Variants in DNAH17 observed in about 807,000 individuals in gnomAD.
DNAH17 encodes the protein axonemal beta dynein heavy chain 17.
A neutral mutation model predicts 485.6 loss-of-function variants in DNAH17; 376 were observed. The ratio of observed to expected loss-of-function variants is 0.77; its 90% confidence interval spans 0.71 to 0.84. The LOEUF (loss-of-function observed/expected upper bound fraction) is 0.84. Among genes scored for constraint, DNAH17 ranks in the 40% least tolerant of loss-of-function variants. DNAH17 has a pLI of 0.00. For synonymous variants in DNAH17, 3,031 were observed against 2,405.9 expected (o/e 1.26, Z -7.60); for missense variants, 6,370 against 5,839.3 (o/e 1.09, Z -2.96).
chr17:78,536,166 A>G lies in DNAH17; in HGVS notation c.2859+1133T>C, dbSNP rs181463018. ...TTACATTACAGGACTGAGGCCGGGC[A>G]CGGTGGCTCACACCTGTAATCCCAG... On this transcript the variant is annotated intron_variant, in intron 19 of 80. Coordinates refer to ENST00000389840, the MANE Select transcript of DNAH17 (RefSeq NM_173628.4). 1.3e-3 allele frequency among the ~76,000 whole-genome samples: 204 copies of G among 152,214 alleles called. 1 individual carries two copies. The highest frequency in any genetic ancestry group is 3.8e-3 in the African/African-American group (156 of 41,534).
chr17:78,524,061 C>A (rs1478790367), intron 25 of DNAH17, among the ~76,000 whole-genome samples: 1 of 152,176 alleles, frequency 6.6e-6, no homozygotes, highest in African/African-American at 2.4e-5. Flanking sequence ...ATCCTTACCT[C>A]GTATTAGGAG....
Position 78,499,073 on chromosome 17 carries a change from C to T in DNAH17, c.5680G>A (p.Ala1894Thr). Residue 1894 changes from alanine to threonine, a missense_variant, in exon 37 of 81, where the codon GCC (alanine) becomes ACC (threonine). Ala to Thr is a moderately conservative substitution (Grantham distance 58). Coordinates refer to ENST00000389840, the MANE Select transcript of DNAH17 (RefSeq NM_173628.4). ...TTAAACTCGTCAAAGCAGCCCCAGG[C>T]TCCCGTCTGGGCCAGGCCCTTGTAG... ...NIYKGLAQTG[A>T]WGCFDEFNRI... The T allele has an allele frequency of 1.2e-6, 2 of 1,609,202 alleles. No individual in the cohort carries two copies. Among genetic ancestry groups the T allele is most frequent in the Non-Finnish European group, 1.7e-6 (2 of 1,177,770 alleles).
At chr17:78,521,987 A>G (rs2090946286) in intron 25 of DNAH17, among the ~76,000 whole-genome samples, 1 of 152,220 alleles carries the variant, frequency 6.6e-6, no homozygotes, top group African/African-American at 2.4e-5. Context: ...CTCCGCCTCA[A>G]AACCAAAATT....
At chr17:78,575,146 C>T (rs2092415624) in intron 1 of DNAH17, 64 bp from the exon 2 acceptor site, 4 of 1,052,224 alleles carry the variant, frequency 3.8e-6, no homozygotes, top group South Asian at 3.3e-5. Context: ...CCACCCATCC[C>T]TGGCACCGCA....
At chr17:78,457,171 G>C (rs2087843923) in intron 62 of DNAH17, among the ~76,000 whole-genome samples, 1 of 152,184 alleles carries the variant, frequency 6.6e-6, no homozygotes, top group Non-Finnish European at 1.5e-5. Flanking sequence ...AGGAGTTCGA[G>C]ACCACCCCGG....
intron 19 of DNAH17, among the ~76,000 whole-genome samples, chr17:78,536,343 A>G (rs1373448375): frequency 3.9e-5 from 6 of 152,120 alleles, no homozygotes; most frequent in African/African-American, 1.4e-4. Context: ...CCAGCTACTC[A>G]GGAGGCTGAG....
chr17:78,547,184 C>T (rs1202432839), intron 16 of DNAH17, among the ~76,000 whole-genome samples: 1 of 152,174 alleles, frequency 6.6e-6, no homozygotes, highest in Non-Finnish European at 1.5e-5. Flanking sequence ...AATGTTAATG[C>T]TCTCCTTGGT....
intron 51 of DNAH17, among the ~76,000 whole-genome samples, chr17:78,478,244 T>TCTC (rs2089172078): frequency 7.7e-6 from 1 of 130,298 alleles, no homozygotes; most frequent in Non-Finnish European, 1.6e-5. Context: ...ACCACCATCA[T>TCTC]CACCACCATC....
rs1365764131 is a variant in DNAH17 at position 78,540,415 on chromosome 17, G to A, written c.2533-535C>T. On this transcript the variant is annotated intron_variant, in intron 17 of 80. Coordinates refer to ENST00000389840, the MANE Select transcript of DNAH17 (RefSeq NM_173628.4). ...ATGGATGGATGGGGTTGGTAGATGGGTGAGTGGGTGGATGGATGGATGGAT... is the reference window on the plus strand; with the variant it reads ...ATGGATGGATGGGGTTGGTAGATGGATGAGTGGGTGGATGGATGGATGGAT... 1.2e-4 allele frequency among the ~76,000 whole-genome samples: 11 copies of A among 89,372 alleles called. 2 individuals are homozygous for A. The highest frequency in any genetic ancestry group is 1.1e-3 in the Admixed American group (9 of 8,488). 58.6% of individuals were successfully genotyped at this position (89,372 alleles called of 152,430 possible).
At chr17:78,556,791 T>C (rs1274482272) in intron 14 of DNAH17, among the ~76,000 whole-genome samples, 1 of 152,200 alleles carries the variant, frequency 6.6e-6, no homozygotes, top group Non-Finnish European at 1.5e-5. Flanking sequence ...AATAGTGCTA[T>C]ATCCATGCGA....
At chr17:78,441,787 G>A (rs946353404) in intron 71 of DNAH17, among the ~76,000 whole-genome samples, 8 of 152,138 alleles carry the variant, frequency 5.3e-5, no homozygotes, top group Non-Finnish European at 8.8e-5. Flanking sequence ...AATCACCTGA[G>A]CTAAGATTAG....
At chr17:78,482,742 A>T (rs548715359) in intron 48 of DNAH17, among the ~76,000 whole-genome samples, 1 of 152,268 alleles carries the variant, frequency 6.6e-6, no homozygotes, top group South Asian at 2.1e-4. Context: ...CACATCCACT[A>T]AACAGTCCAT....
At chr17:78,562,188 A>AT (rs2092172064) in intron 11 of DNAH17, among the ~76,000 whole-genome samples, 2 of 152,192 alleles carry the variant, frequency 1.3e-5, no homozygotes, top group Non-Finnish European at 2.9e-5. Context: ...CCGAGTCCCC[A>AT]AATACTTGGC....
rs1375080024 is a variant in DNAH17 at position 78,566,561 on chromosome 17, C to T, written c.1569+53G>A. The T allele has an allele frequency of 4.6e-6, 6 of 1,298,036 alleles. No individual in the cohort carries two copies. In the East Asian group the frequency reaches 9.8e-5, roughly 21 times the overall value. The allele number at this position is 1,298,036 out of a possible 1,614,324, so 80.4% of individuals were successfully genotyped here. A position where few individuals can be genotyped will look rare whatever the true frequency, so the allele number is the denominator to read the frequency against. On this transcript the variant is annotated intron_variant, in intron 11 of 80. Transcript: ENST00000389840. ...TCCAAGATCGTTCTCGACATGAATC[C>T]ACCACCACAGTGCCAGGCTCCAGAT...
chr17:78,462,142 A>G (rs569764300), intron 57 of DNAH17, among the ~76,000 whole-genome samples: 139 of 152,182 alleles, frequency 9.1e-4, no homozygotes, highest in African/African-American at 3.2e-3. Flanking sequence ...ACTGCATCCC[A>G]GCTTGGATGA....
In DNAH17 at chr17:78,437,827, C is replaced by T. The variant is rs373331236; in HGVS notation, c.11847G>A (p.Lys3949=). The T allele has an allele frequency of 4.8e-4, 767 of 1,611,834 alleles. 1 individual carries two copies. Among genetic ancestry groups the T allele is most frequent in the Non-Finnish European group, 6.1e-4 (722 of 1,179,422 alleles). ...LVARWLGTLD[K]KLEHYSTGSH... ...TGCCCGTGCTGTAGTGCTCCAGCTT[C>T]TTGTCCAGTGTTCCCAGCCACCGGG... The change falls in exon 74 of 81, where the codon AAG becomes AAA. Residue 3949 remains lysine, a synonymous_variant. Transcript: ENST00000389840.
chr17:78,569,828 T>A (rs12940406), intron 7 of DNAH17, among the ~76,000 whole-genome samples: 59,115 of 152,054 alleles, frequency 0.39, 11,700 homozygotes, highest in Admixed American at 0.49. Context: ...CATGGTTTTA[T>A]TATATAGAGG....
At position 78,529,525 on chromosome 17, in the gene DNAH17, G is replaced by A. The variant is rs1460069528; in HGVS notation, c.3454C>T (p.Leu1152=). The change falls in exon 22 of 81, where the codon CTG becomes TTG. Residue 1152 remains leucine, a synonymous_variant. Transcript: ENST00000389840. ...MFEPLKQTIE[L]LKTYGEEMPE... ...ATCTCCTCCCCGTAGGTCTTGAGCAGCTCGATGGTTTGCTTCAGGGGCTCA... is the reference window on the plus strand; with the variant it reads ...ATCTCCTCCCCGTAGGTCTTGAGCAACTCGATGGTTTGCTTCAGGGGCTCA... 2 of 1,613,972 alleles carry A rather than the reference G, an allele frequency of 1.2e-6. No homozygotes were observed. The highest frequency in any genetic ancestry group is 2.2e-5 in the South Asian group (2 of 91,078).
At chr17:78,478,645 TACCATCACC>T (rs1286867586) in intron 51 of DNAH17, among the ~76,000 whole-genome samples, 8 of 135,310 alleles carry the variant, frequency 5.9e-5, no homozygotes, top group South Asian at 2.4e-4. Context: ...TTATCACCAT[TACCATCACC>T]ACCATCACTA....
Sources: gnomAD v4.1 joint callset for allele counts (sites outside exome capture counted in the v4.1 genomes callset) on GRCh38, gnomAD v4.1.1 for gene constraint, MANE v1.5 for transcripts, NCBI Gene and HGNC (gene_info 2026-07-23, HGNC 2026-07-21) for gene names.